The following TRMT11 variants were observed in gnomAD, a reference collection of about 807,000 sequenced individuals.
TRMT11 encodes the protein tRNA methyltransferase 11.
A neutral mutation model predicts 62.8 loss-of-function variants in TRMT11; 53 were observed. The observed-to-expected ratio is 0.84, with a 90% CI of 0.68 to 1.06. The LOEUF (loss-of-function observed/expected upper bound fraction) is 1.06. TRMT11 is among the 50% of genes least tolerant of loss of function. The pLI, the probability that TRMT11 is intolerant of heterozygous loss-of-function variation, is 0.00. For synonymous variants in TRMT11, 188 were observed against 190.3 expected, an observed-to-expected ratio of 0.99 and a Z score of 0.10; for missense variants, 556 against 553.4, an observed-to-expected ratio of 1.00 and a Z score of -0.05.
At chr6:126,070,009 A>C (rs998622006) in intron 17 of TRMT11, among the ~76,000 whole-genome samples, 8 of 152,144 alleles carry the variant, frequency 5.3e-5, no homozygotes, top group African/African-American at 1.9e-4. Flanking sequence ...GAGCAGTTAG[A>C]GGGTCCTGTG....
chr6:126,147,775 C>G (rs1414712564), intron 21 of TRMT11, among the ~76,000 whole-genome samples: 1 of 151,920 alleles, frequency 6.6e-6, no homozygotes, highest in African/African-American at 2.4e-5. Context: ...AAACATAACC[C>G]AGCATTTCTC....
chr6:126,241,306 A>C, the TRMT11 span, among the ~76,000 whole-genome samples: 4 of 152,222 alleles, frequency 2.6e-5, no homozygotes, highest in Non-Finnish European at 1.5e-5. Context: ...AGCTGTAGAC[A>C]GGAGCTGTTC....
chr6:126,182,655 A>C (rs1300144364), intron 1 of TRMT11, among the ~76,000 whole-genome samples: 1 of 151,970 alleles, frequency 6.6e-6, no homozygotes, highest in Non-Finnish European at 1.5e-5. Context: ...GTACAATACT[A>C]TACTACATTT....
At chr6:126,040,872 G>A (rs544490784), downstream of TRMT11, among the ~76,000 whole-genome samples, 1 of 152,146 alleles carries the variant, frequency 6.6e-6, no homozygotes, top group East Asian at 1.9e-4. Context: ...CTAATAGCTG[G>A]GAGGAAATAG....
At chr6:126,167,386 C>A (rs956432899) in intron 21 of TRMT11, among the ~76,000 whole-genome samples, 2 of 152,212 alleles carry the variant, frequency 1.3e-5, no homozygotes, top group African/African-American at 2.4e-5. Context: ...TGACCCCTTG[C>A]ACTTCCCAGG....
At chr6:126,205,947 A>G (rs1025914474), downstream of TRMT11, among the ~76,000 whole-genome samples, 8 of 152,000 alleles carry the variant, frequency 5.3e-5, no homozygotes, top group East Asian at 5.8e-4. Flanking sequence ...ACATGCGCGC[A>G]CACACACACA....
chr6:126,008,232 TTTG>T (rs1793653868), intron 7 of TRMT11, among the ~76,000 whole-genome samples, 157 bp from the exon 8 acceptor site: 1 of 152,038 alleles, frequency 6.6e-6, no homozygotes, highest in African/African-American at 2.4e-5. Context: ...AGCTTAGGGG[TTTG>T]TTTTTTCAGT....
At chr6:126,270,360 T>A in the TRMT11 span, among the ~76,000 whole-genome samples, 1 of 152,186 alleles carries the variant, frequency 6.6e-6, no homozygotes, top group Non-Finnish European at 1.5e-5. Context: ...GTGAAGAACC[T>A]TATGAGTTTG....
At chr6:126,237,655 T>C in the TRMT11 span, among the ~76,000 whole-genome samples, 1 of 152,104 alleles carries the variant, frequency 6.6e-6, no homozygotes, top group Non-Finnish European at 1.5e-5. Context: ...CACTCCAGCC[T>C]GGGTGACAGG....
the TRMT11 span, among the ~76,000 whole-genome samples, chr6:126,236,618 T>C: frequency 6.6e-6 from 1 of 152,032 alleles, no homozygotes; most frequent in African/African-American, 2.4e-5. Flanking sequence ...ATATAAAGAG[T>C]ATAATGTTTA....
chr6:126,121,183 T>G lies in TRMT11; in HGVS notation c.*1823+5328T>G, dbSNP rs112987131. On this transcript the variant is annotated intron_variant and NMD_transcript_variant, in intron 21 of 22. Transcript: ENST00000648977. ...AAGGTCTGCTGTGCCTTACTCAACT[T>G]TGTATTCCCCATGTCTTGCCCATCT... Among the ~76,000 whole-genome samples, 533 of 152,244 alleles carry G rather than the reference T, an allele frequency of 3.5e-3. 4 individuals are homozygous for G. The highest frequency in any genetic ancestry group is 0.012 in the African/African-American group (512 of 41,560).
At chr6:126,094,132 A>T (rs1040264112) in intron 17 of TRMT11, among the ~76,000 whole-genome samples, 6 of 151,864 alleles carry the variant, frequency 4.0e-5, no homozygotes, top group East Asian at 3.9e-4. Context: ...ACTTAGACCC[A>T]TCTTATTGCT....
intron 12 of TRMT11, among the ~76,000 whole-genome samples, chr6:126,034,526 T>A (rs932708943): frequency 6.6e-6 from 1 of 152,162 alleles, no homozygotes; most frequent in African/African-American, 2.4e-5. Flanking sequence ...AATAGTATAG[T>A]CAATAGTCTT....
chr6:126,026,872 A>G (rs1446003073), intron 12 of TRMT11, among the ~76,000 whole-genome samples: 1 of 139,296 alleles, frequency 7.2e-6, no homozygotes, highest in South Asian at 2.2e-4. Flanking sequence ...GCGGGATCTC[A>G]GCGCACTGCA....
the TRMT11 span, among the ~76,000 whole-genome samples, chr6:126,211,924 A>C: frequency 2.0e-5 from 3 of 151,636 alleles, no homozygotes; most frequent in African/African-American, 7.3e-5. Context: ...CTTTACTCCT[A>C]CCCCCTACCC....
chr6:126,179,390 A>T (rs1050879268), intron 1 of TRMT11, among the ~76,000 whole-genome samples: 2 of 152,168 alleles, frequency 1.3e-5, no homozygotes, highest in Non-Finnish European at 2.9e-5. Context: ...ATAGTTATAT[A>T]TACATGCTCT....
At chr6:126,094,068 C>T (rs1267575903) in intron 17 of TRMT11, among the ~76,000 whole-genome samples, 1 of 151,800 alleles carries the variant, frequency 6.6e-6, no homozygotes, top group East Asian at 1.9e-4. Context: ...TTATCTAAGC[C>T]AAGCAGTGTA....
chr6:126,132,913 T>C (rs1358123375), intron 21 of TRMT11, among the ~76,000 whole-genome samples: 1 of 152,058 alleles, frequency 6.6e-6, no homozygotes, highest in African/African-American at 2.4e-5. Context: ...AAACACATTT[T>C]GCCAAAACTT....
At chr6:126,163,863 T>G (rs1778227396) in intron 21 of TRMT11, among the ~76,000 whole-genome samples, 1 of 152,224 alleles carries the variant, frequency 6.6e-6, no homozygotes, top group Non-Finnish European at 1.5e-5. Context: ...TTCTTCTCTC[T>G]TTTCTGTTTT....
Sources: allele counts gnomAD v4.1 joint callset (sites outside exome capture counted in the v4.1 genomes callset), GRCh38; gene constraint gnomAD v4.1.1; transcripts MANE v1.5; gene names NCBI Gene and HGNC (gene_info 2026-07-23, HGNC 2026-07-21).